GRM3: variants seen among roughly 807,000 people sequenced by gnomAD.
The protein encoded by GRM3 is metabotropic glutamate receptor 3.
Under a neutral mutation model 70.5 loss-of-function variants are expected in GRM3, and 26 were observed. That is an observed-to-expected ratio of 0.37 (90% CI 0.27 to 0.51). GRM3 has a LOEUF of 0.51. Among genes scored for constraint, GRM3 ranks in the 20% least tolerant of loss-of-function variants. The pLI, the probability that GRM3 is intolerant of heterozygous loss-of-function variation, is 0.93. For missense variants in GRM3, 859 were observed against 1,123.8 expected, an observed-to-expected ratio of 0.76 and a Z score of 3.37; for synonymous variants, 443 against 434.9, an observed-to-expected ratio of 1.02 and a Z score of -0.23.
chr7:86,696,371 G>C (rs966577303), intron 1 of GRM3, among the ~76,000 whole-genome samples: 2 of 152,096 alleles, frequency 1.3e-5, no homozygotes, highest in Admixed American at 6.6e-5. Context: ...GTAAAGATTG[G>C]GGGGATGAGG....
At position 86,786,092 on chromosome 7, in the gene GRM3, G is replaced by A; in HGVS notation, c.469-169G>A. ...CCTGCTTCCTAGTGTCCAAAATACA[G>A]TATCCAAGGAAGCATCTGGTATTCA... On this transcript the variant is annotated intron_variant, in intron 2 of 5. Coordinates refer to ENST00000361669, the MANE Select transcript of GRM3 (RefSeq NM_000840.3). This position sits in a 1 kb window ranked among gnomAD's most constrained non-coding sequence, Gnocchi z 6.0. The A allele has an allele frequency of 1.5e-6, 1 of 667,830 alleles. No homozygotes were observed. Among genetic ancestry groups the A allele is most frequent in the South Asian group, 1.8e-5 (1 of 56,576 alleles). The allele number at this position is 667,830 out of a possible 1,614,324, so 41.4% of individuals were successfully genotyped here. A position where few individuals can be genotyped will look rare whatever the true frequency, so the allele number is the denominator to read the frequency against.
rs185248769 is a variant in GRM3, at chr7:86,801,364, C to T, written c.1324+14248C>T. Among the ~76,000 whole-genome samples the T allele has an allele frequency of 2.6e-5, 4 of 152,194 alleles. No individual in the cohort carries two copies. In the East Asian group the frequency reaches 7.7e-4, roughly 29 times the overall value. ...GATTACAGGCGTGAGCCAGTGTGCC[C>T]GGCCACCACAGCAAACATCTTACAA... is the stretch of plus-strand genomic sequence containing the variant. On this transcript the variant is annotated intron_variant, in intron 3 of 5. Coordinates refer to ENST00000361669, the MANE Select transcript of GRM3 (RefSeq NM_000840.3).
rs529134079 is a variant in GRM3 at position 86,793,770 on chromosome 7, T to TCTG, written c.1324+6672_1324+6674dup. Among the ~76,000 whole-genome samples, 677 of 152,182 alleles carry TCTG rather than the reference T, an allele frequency of 4.4e-3. 4 individuals are homozygous for TCTG. Among genetic ancestry groups the TCTG allele is most frequent in the Non-Finnish European group, 5.7e-3 (390 of 67,998 alleles). Reference sequence around the variant, plus strand: ...TAATTTTCCACTTAGGCTTGTGCTTTCTGCTGCTGCTGCTGCTGCTTGTTA... The same window carrying TCTG: ...TAATTTTCCACTTAGGCTTGTGCTTTCTGCTGCTGCTGCTGCTGCTGCTTGTTA... On this transcript the variant is annotated intron_variant, in intron 3 of 5. Transcript: ENST00000361669.
intron 1 of GRM3, among the ~76,000 whole-genome samples, chr7:86,740,744 G>A (rs1296051419): frequency 6.9e-6 from 1 of 143,894 alleles, no homozygotes; most frequent in Non-Finnish European, 1.5e-5. Context: ...ATAACTTGAA[G>A]ACTAAAGCAG....
At chr7:86,821,151 A>C (rs1798111265) in intron 3 of GRM3, among the ~76,000 whole-genome samples, 2 of 147,962 alleles carry the variant, frequency 1.4e-5, no homozygotes, top group Non-Finnish European at 3.0e-5. Context: ...AATGTGCTCC[A>C]TGGAAAAAGG....
At chr7:86,684,126 C>G (rs1272373835) in intron 1 of GRM3, among the ~76,000 whole-genome samples, 1 of 152,050 alleles carries the variant, frequency 6.6e-6, no homozygotes, top group Admixed American at 6.5e-5. Context: ...CCGGGAACTG[C>G]CACTCCCTCC....
rs1554360392 is a variant in GRM3, at chr7:86,787,077, A to C, written c.1285A>C (p.Lys429Gln). Reference protein sequence around the residue: ...CDAMKILDGKKLYKDYLLKIN... With the variant: ...CDAMKILDGKQLYKDYLLKIN... ...TGCTATGAAGATCCTGGATGGGAAG[A>C]AGTTGTACAAGGATTACTTGCTGAA... is the stretch of plus-strand genomic sequence containing the variant. Residue 429 changes from lysine (K) to glutamine (Q), a missense_variant, in exon 3 of 6, where the codon AAG becomes CAG. Physicochemically the swap from Lys to Gln is moderately conservative, Grantham distance 53. Transcript: ENST00000361669. 6.2e-7 allele frequency: 1 copy of C among 1,610,616 alleles called. No homozygotes were observed. The highest frequency in any genetic ancestry group is 8.5e-7 in the Non-Finnish European group (1 of 1,177,848).
At chr7:86,654,470 G>A (rs956981548) in intron 1 of GRM3, among the ~76,000 whole-genome samples, 3 of 152,146 alleles carry the variant, frequency 2.0e-5, no homozygotes, top group Non-Finnish European at 4.4e-5. Flanking sequence ...ACCTGATGAT[G>A]TCACTTCTAC....
intron 3 of GRM3, among the ~76,000 whole-genome samples, chr7:86,801,884 A>C (rs1289314217): frequency 2.0e-5 from 3 of 152,288 alleles, no homozygotes; most frequent in Non-Finnish European, 4.4e-5. Flanking sequence ...TGTTGTTTTG[A>C]TTTTATAGAT....
chr7:86,728,617 A>G (rs1474349132), intron 1 of GRM3, among the ~76,000 whole-genome samples: 1 of 152,064 alleles, frequency 6.6e-6, no homozygotes, highest in East Asian at 1.9e-4. Flanking sequence ...TCACCTCATC[A>G]TCTTCCCTCC....
intron 1 of GRM3, among the ~76,000 whole-genome samples, chr7:86,757,699 C>T (rs1300057004): frequency 6.6e-6 from 1 of 152,144 alleles, no homozygotes; most frequent in African/African-American, 2.4e-5. Context: ...AGAAAGACTG[C>T]CACTGCTACA....
chr7:86,844,047 A>G (rs1212137542), intron 4 of GRM3, among the ~76,000 whole-genome samples: 2 of 152,080 alleles, frequency 1.3e-5, no homozygotes, highest in African/African-American at 2.4e-5. Flanking sequence ...GAGTGTCAAG[A>G]CTCTAGATTC....
intron 3 of GRM3, among the ~76,000 whole-genome samples, chr7:86,835,513 G>A (rs1246043951): frequency 6.6e-6 from 1 of 152,112 alleles, no homozygotes; most frequent in African/African-American, 2.4e-5. Context: ...TAAGGTTTTA[G>A]CAATCTGTTT....
rs1326692452 is a variant in GRM3 at position 86,644,652 on chromosome 7, G to T, written c.-361G>T. 3 of 518,522 alleles carry T rather than the reference G, an allele frequency of 5.8e-6. No homozygotes were observed. Among genetic ancestry groups the T allele is most frequent in the African/African-American group, 3.9e-5 (2 of 51,316 alleles). The allele number at this position is 518,522 out of a possible 1,614,324, so 32.1% of individuals were successfully genotyped here. Reference sequence around the variant, plus strand: ...TGGTCCAGCGTGCAGCCGGGAGGGGGCAGGGGCAGGGGGCACTGTGACAGG... The same window carrying T: ...TGGTCCAGCGTGCAGCCGGGAGGGGTCAGGGGCAGGGGGCACTGTGACAGG... On this transcript the variant is annotated 5_prime_UTR_variant, in exon 1 of 6. Coordinates refer to ENST00000361669, the MANE Select transcript of GRM3 (RefSeq NM_000840.3).
intron 1 of GRM3, among the ~76,000 whole-genome samples, chr7:86,680,085 A>G (rs779273698): frequency 4.6e-5 from 7 of 152,142 alleles, no homozygotes; most frequent in Non-Finnish European, 7.4e-5. Flanking sequence ...CCTTTGCAGT[A>G]TTCCATTGCT....
chr7:86,680,073 GT>G (rs1794407139), intron 1 of GRM3, among the ~76,000 whole-genome samples: 1 of 152,070 alleles, frequency 6.6e-6, no homozygotes, highest in African/African-American at 2.4e-5. Flanking sequence ...TGGTCTGACT[GT>G]CCTTTGCAGT....
At chr7:86,669,731 TA>T (rs1245861639) in intron 1 of GRM3, among the ~76,000 whole-genome samples, 4 of 152,202 alleles carry the variant, frequency 2.6e-5, no homozygotes, top group Non-Finnish European at 4.4e-5. Context: ...CCCAATATTT[TA>T]ATTATATAAA....
At chr7:86,837,005 A>G (rs1287228304) in intron 3 of GRM3, among the ~76,000 whole-genome samples, 1 of 152,194 alleles carries the variant, frequency 6.6e-6, no homozygotes, top group Non-Finnish European at 1.5e-5. Context: ...ACACAAAGAG[A>G]TATATGTGAT....
At chr7:86,698,541 A>G (rs1233464495) in intron 1 of GRM3, among the ~76,000 whole-genome samples, 1 of 139,918 alleles carries the variant, frequency 7.1e-6, no homozygotes, top group Non-Finnish European at 1.5e-5. Flanking sequence ...TATATATAAA[A>G]TACACATTAT....
Sources: gnomAD v4.1 joint callset for allele counts (sites outside exome capture counted in the v4.1 genomes callset) on GRCh38, gnomAD v4.1.1 for gene constraint, Gnocchi (gnomAD v3.1) non-coding constraint, MANE v1.5 for transcripts, NCBI Gene and HGNC (gene_info 2026-07-23, HGNC 2026-07-21) for gene names.